GRIN2A: variants seen among roughly 807,000 people sequenced by gnomAD.
GRIN2A encodes the protein glutamate ionotropic receptor NMDA type subunit 2A.
In GRIN2A, 22 loss-of-function variants were observed where a neutral mutation model predicts 113.4. The observed-to-expected ratio is 0.19, with a 90% CI of 0.14 to 0.28. GRIN2A has a LOEUF of 0.28. Among genes scored for constraint, GRIN2A ranks in the 10% least tolerant of loss-of-function variants. GRIN2A has a pLI of 1.00. For missense variants in GRIN2A, 1,502 were observed against 1,887.0 expected, an observed-to-expected ratio of 0.80 and a Z score of 3.78; for synonymous variants, 827 against 738.4, an observed-to-expected ratio of 1.12 and a Z score of -1.94.
chr16:10,038,742 G>T (rs550147766), intron 2 of GRIN2A, among the ~76,000 whole-genome samples: 85 of 151,856 alleles, frequency 5.6e-4, no homozygotes, highest in African/African-American at 2.0e-3. Context: ...CAGCTACTAG[G>T]GTGGCTGAGG....
intron 4 of GRIN2A, among the ~76,000 whole-genome samples, chr16:9,874,808 G>C (rs894954451): frequency 6.6e-6 from 1 of 151,962 alleles, no homozygotes; most frequent in Non-Finnish European, 1.5e-5. Context: ...GATCAAGGCT[G>C]GGCACGGTAG....
Position 9,850,049 on chromosome 16 carries a change from T to C in GRIN2A, c.1123-88A>G. On this transcript the variant is annotated intron_variant, in intron 4 of 12. Coordinates refer to ENST00000330684, the MANE Select transcript of GRIN2A (RefSeq NM_001134407.3). Reference sequence around the variant, plus strand: ...ATCCTTTCCCTGCCAGAGACATCCATCCGTCTCAAGGGCCTTTCTGCCACA... The same window carrying C: ...ATCCTTTCCCTGCCAGAGACATCCACCCGTCTCAAGGGCCTTTCTGCCACA... The C allele has an allele frequency of 2.6e-6, 3 of 1,151,370 alleles. No individual in the cohort carries two copies. In the South Asian group the frequency reaches 3.7e-5, roughly 14 times the overall value. 71.3% of individuals were successfully genotyped at this position (1,151,370 alleles called of 1,614,324 possible).
At chr16:10,035,586 G>A (rs555392908) in intron 2 of GRIN2A, among the ~76,000 whole-genome samples, 1 of 152,250 alleles carries the variant, frequency 6.6e-6, no homozygotes, top group Admixed American at 6.5e-5. Context: ...TTTCAAACTT[G>A]AGTGTGCATG....
chr16:9,764,443 C>T lies in GRIN2A; in HGVS notation c.3101G>A (p.Arg1034Lys). 1 of 1,614,136 alleles carries T rather than the reference C, an allele frequency of 6.2e-7. No homozygotes were observed. The highest frequency in any genetic ancestry group is 8.5e-7 in the Non-Finnish European group (1 of 1,180,012). Residue 1034 changes from arginine to lysine, a missense_variant, in exon 13 of 13, where the codon AGG becomes AAG. Arg to Lys is a conservative substitution (Grantham distance 26, BLOSUM62 2). This residue lies in a region of GRIN2A where 832 missense variants were observed against 789.7 expected (regional missense o/e 1.05). Coordinates refer to ENST00000330684, the MANE Select transcript of GRIN2A (RefSeq NM_001134407.3). ...DSLSQNPVSQ[R>K]DEATAENRTH... ...CCTATTCTCTGCTGTTGCCTCATCC[C>T]TCTGGGAGACTGGATTCTGGGATAG...
chr16:9,949,350 T>C (rs754967989), intron 2 of GRIN2A, among the ~76,000 whole-genome samples: 5 of 151,564 alleles, frequency 3.3e-5, no homozygotes, highest in African/African-American at 4.9e-5. Context: ...GATGAATAGA[T>C]TGGATGGATA....
intron 2 of GRIN2A, among the ~76,000 whole-genome samples, chr16:9,972,968 T>C (rs190752452): frequency 1.1e-4 from 16 of 152,252 alleles, no homozygotes; most frequent in African/African-American, 3.6e-4. Context: ...GATTCAGGAG[T>C]TCTGATTGGC....
chr16:9,899,976 T>C (rs980880027), intron 3 of GRIN2A, among the ~76,000 whole-genome samples: 1 of 152,112 alleles, frequency 6.6e-6, no homozygotes, highest in Non-Finnish European at 1.5e-5. Context: ...TCCTTTTCTG[T>C]AAAAGTGAGG....
chr16:9,974,512 C>T (rs879544136), intron 2 of GRIN2A, among the ~76,000 whole-genome samples: 5 of 152,150 alleles, frequency 3.3e-5, no homozygotes, highest in Non-Finnish European at 7.4e-5. Flanking sequence ...GAGTTGTGAG[C>T]CCTTAAAAGG....
intron 2 of GRIN2A, among the ~76,000 whole-genome samples, chr16:10,082,612 C>A (rs368764075): frequency 6.6e-6 from 1 of 152,220 alleles, no homozygotes; most frequent in Non-Finnish European, 1.5e-5. Flanking sequence ...AAGGCTTAAA[C>A]CTTCCCTGTG....
intron 2 of GRIN2A, among the ~76,000 whole-genome samples, chr16:10,156,272 G>A (rs2049692784): frequency 6.6e-6 from 1 of 152,208 alleles, no homozygotes; most frequent in African/African-American, 2.4e-5. Flanking sequence ...CCATAATGCT[G>A]GGCTGCCTGA....
chr16:10,097,188 G>A (rs1402032019), intron 2 of GRIN2A, among the ~76,000 whole-genome samples: 4 of 152,184 alleles, frequency 2.6e-5, no homozygotes, highest in East Asian at 1.9e-4. Context: ...TTTGGTCTTC[G>A]TGGTATATAT....
chr16:9,943,645 T>C (rs1378279949), intron 2 of GRIN2A, among the ~76,000 whole-genome samples: 1 of 152,184 alleles, frequency 6.6e-6, no homozygotes, highest in Non-Finnish European at 1.5e-5. Context: ...ATGGATGGCA[T>C]TTCTCCTAAA....
At chr16:9,810,912 C>T (rs1455885054) in intron 10 of GRIN2A, among the ~76,000 whole-genome samples, 1 of 152,164 alleles carries the variant, frequency 6.6e-6, no homozygotes, top group Non-Finnish European at 1.5e-5. Flanking sequence ...AGGCAGCTGT[C>T]TGGGGTTGGC....
chr16:10,142,364 G>A (rs1422379354), intron 2 of GRIN2A, among the ~76,000 whole-genome samples: 1 of 152,202 alleles, frequency 6.6e-6, no homozygotes, highest in East Asian at 1.9e-4. Flanking sequence ...ATACACGTCA[G>A]AGCCCTGACT....
intron 3 of GRIN2A, among the ~76,000 whole-genome samples, chr16:9,906,132 C>T (rs2044023387): frequency 6.6e-6 from 1 of 152,200 alleles, no homozygotes; most frequent in Non-Finnish European, 1.5e-5. Context: ...CCTCCATACT[C>T]ATATCAAGCC....
chr16:9,884,782 C>T (rs1232386961), intron 4 of GRIN2A, among the ~76,000 whole-genome samples: 3 of 146,220 alleles, frequency 2.1e-5, no homozygotes, highest in Non-Finnish European at 1.5e-5. Context: ...TGGAGTCTCA[C>T]TCTGTGGCCC....
At chr16:10,093,236 G>A (rs944390801) in intron 2 of GRIN2A, among the ~76,000 whole-genome samples, 1 of 152,134 alleles carries the variant, frequency 6.6e-6, no homozygotes, top group Non-Finnish European at 1.5e-5. Flanking sequence ...TAACAGATGG[G>A]GTAGGTACCA....
intron 2 of GRIN2A, among the ~76,000 whole-genome samples, chr16:9,961,944 C>T (rs1199031261): frequency 6.6e-6 from 1 of 152,094 alleles, no homozygotes. Flanking sequence ...ACAGAGCCCT[C>T]AGAAATAATA....
At chr16:9,937,314 C>T (rs2044735515) in intron 3 of GRIN2A, among the ~76,000 whole-genome samples, 3 of 151,532 alleles carry the variant, frequency 2.0e-5, no homozygotes, top group African/African-American at 2.4e-5. Context: ...AATAGGGTGA[C>T]TATAGTCAAT....
Sources: gnomAD v4.1 joint callset for allele counts (sites outside exome capture counted in the v4.1 genomes callset) on GRCh38, gnomAD v4.1.1 for gene constraint, gnomAD v4.1.1 regional missense constraint, MANE v1.5 for transcripts, NCBI Gene and HGNC (gene_info 2026-07-23, HGNC 2026-07-21) for gene names.